The following CDH12 variants were observed in gnomAD, a reference collection of about 807,000 sequenced individuals.
The protein encoded by CDH12 is cadherin 12, also known as cadherin-12.
A neutral mutation model predicts 74.1 loss-of-function variants in CDH12; 41 were observed. That is an observed-to-expected ratio of 0.55 (90% CI 0.43 to 0.72). CDH12 has a LOEUF of 0.72. Among genes scored for constraint, CDH12 ranks in the 30% least tolerant of loss-of-function variants. The probability of loss-of-function intolerance (pLI) is 0.00; values close to 1 mark genes in which losing one functional copy is unlikely to be tolerated. For synonymous variants in CDH12, 399 were observed against 355.0 expected, an observed-to-expected ratio of 1.12 and a Z score of -1.39; for missense variants, 945 against 977.2, an observed-to-expected ratio of 0.97 and a Z score of 0.44.
At chr5:22,067,584 T>C (rs546972460) in intron 5 of CDH12, among the ~76,000 whole-genome samples, 1 of 152,090 alleles carries the variant, frequency 6.6e-6, no homozygotes, top group Admixed American at 6.6e-5. Flanking sequence ...GGCTATACGA[T>C]CCAGCAGGTC....
chr5:22,637,433 AC>A (rs1738899850), intron 1 of CDH12, among the ~76,000 whole-genome samples: 1 of 152,246 alleles, frequency 6.6e-6, no homozygotes, highest in Non-Finnish European at 1.5e-5. Context: ...GGTGATGATC[AC>A]TTTAAAGAAA....
rs184762709 is a variant in CDH12, at chr5:22,285,472, G to A, written c.-332-72829C>T. On this transcript the variant is annotated intron_variant, in intron 3 of 14. Transcript: ENST00000382254. ...ATTGATTGATTCAGCATTTAAAAAT[G>A]CTATGCTGAGCCTCATTTCCTTATG... Among the ~76,000 whole-genome samples, 238 of 152,166 alleles carry A rather than the reference G, an allele frequency of 1.6e-3. 4 individuals are homozygous for A. Among genetic ancestry groups the A allele is most frequent in the African/African-American group, 5.6e-3 (233 of 41,534 alleles).
At chr5:22,562,527 C>T (rs1253732150) in intron 1 of CDH12, among the ~76,000 whole-genome samples, 1 of 151,328 alleles carries the variant, frequency 6.6e-6, no homozygotes, top group African/African-American at 2.4e-5. Context: ...AAAGAAAAGC[C>T]CATATCAGAA....
chr5:22,837,168 C>A (rs566037080), intron 1 of CDH12, among the ~76,000 whole-genome samples: 21 of 152,204 alleles, frequency 1.4e-4, no homozygotes, highest in African/African-American at 5.1e-4. Flanking sequence ...CCTGTAATCC[C>A]AGCACTTTGG....
intron 8 of CDH12, among the ~76,000 whole-genome samples, chr5:21,840,311 T>C (rs1749766510): frequency 6.6e-6 from 1 of 152,142 alleles, no homozygotes; most frequent in Non-Finnish European, 1.5e-5. Flanking sequence ...ATTTTGAATA[T>C]GTTACTTTAA....
intron 1 of CDH12, among the ~76,000 whole-genome samples, chr5:22,683,013 C>G (rs1741576658): frequency 6.6e-6 from 1 of 151,948 alleles, no homozygotes; most frequent in African/African-American, 2.4e-5. Flanking sequence ...AGTTTTCAAA[C>G]TGTAATGAAT....
chr5:22,795,084 G>A (rs1219012824), intron 1 of CDH12, among the ~76,000 whole-genome samples: 1 of 152,022 alleles, frequency 6.6e-6, no homozygotes, highest in Non-Finnish European at 1.5e-5. Context: ...TATCACACCA[G>A]TTCAAACACC....
At chr5:22,035,185 C>T (rs116612074) in intron 5 of CDH12, among the ~76,000 whole-genome samples, 2 of 152,032 alleles carry the variant, frequency 1.3e-5, no homozygotes, top group African/African-American at 2.4e-5. Flanking sequence ...CTTCATTCAC[C>T]ATGAGTGTCT....
In CDH12 at chr5:21,819,429, C is replaced by T. The variant is rs146442499; in HGVS notation, c.815-2297G>A. On this transcript the variant is annotated intron_variant, in intron 8 of 14. Transcript: ENST00000382254. Reference sequence around the variant, plus strand: ...TTTCCTTTTTTTCTTCTAAAATGCCCGTTAAATGGAAATACGATTTATCAG... The same window carrying T: ...TTTCCTTTTTTTCTTCTAAAATGCCTGTTAAATGGAAATACGATTTATCAG... Among the ~76,000 whole-genome samples the T allele has an allele frequency of 4.2e-4, 64 of 151,930 alleles. 1 individual carries two copies. The East Asian group carries it at 0.011, about 26-fold the overall frequency.
At chr5:22,733,320 A>G (rs1253428359) in intron 1 of CDH12, among the ~76,000 whole-genome samples, 1 of 151,936 alleles carries the variant, frequency 6.6e-6, no homozygotes, top group Non-Finnish European at 1.5e-5. Flanking sequence ...TAGCTTACAT[A>G]CAGTTATAAT....
At chr5:21,959,741 C>T (rs1756262494) in intron 6 of CDH12, among the ~76,000 whole-genome samples, 1 of 129,232 alleles carries the variant, frequency 7.7e-6, no homozygotes, top group South Asian at 2.5e-4. Flanking sequence ...AACCCCATCT[C>T]TACTAAAATC....
chr5:21,984,011 C>T (rs1757416298), intron 5 of CDH12, among the ~76,000 whole-genome samples: 1 of 152,168 alleles, frequency 6.6e-6, no homozygotes, highest in African/African-American at 2.4e-5. Flanking sequence ...TAAATTATCT[C>T]TTCCTTCAGG....
intron 1 of CDH12, among the ~76,000 whole-genome samples, chr5:22,569,386 A>C (rs892446166): frequency 1.3e-5 from 2 of 152,184 alleles, no homozygotes; most frequent in African/African-American, 4.8e-5. Context: ...AATTTCTGCC[A>C]TGAGTAAAAA....
chr5:22,485,962 G>A (rs1746575110), intron 2 of CDH12, among the ~76,000 whole-genome samples: 1 of 152,168 alleles, frequency 6.6e-6, no homozygotes, highest in Non-Finnish European at 1.5e-5. Flanking sequence ...TCCAATAGTG[G>A]CATGTCTTCA....
At chr5:21,845,745 C>A (rs1750131744) in intron 7 of CDH12, among the ~76,000 whole-genome samples, 1 of 151,948 alleles carries the variant, frequency 6.6e-6, no homozygotes, top group Non-Finnish European at 1.5e-5. Flanking sequence ...CTTTTATTTT[C>A]TTTTCTAATT....
At chr5:22,692,955 A>G (rs1171394766) in intron 1 of CDH12, among the ~76,000 whole-genome samples, 4 of 152,020 alleles carry the variant, frequency 2.6e-5, no homozygotes, top group Non-Finnish European at 5.9e-5. Context: ...TTGAATTCAC[A>G]CCAAACACTA....
intron 1 of CDH12, among the ~76,000 whole-genome samples, chr5:22,798,321 C>A (rs1315026779): frequency 6.6e-6 from 1 of 152,054 alleles, no homozygotes; most frequent in Non-Finnish European, 1.5e-5. Flanking sequence ...TTAACAAAAA[C>A]TATAATAGTT....
At chr5:22,617,162 C>A (rs968894950) in intron 1 of CDH12, among the ~76,000 whole-genome samples, 2 of 151,948 alleles carry the variant, frequency 1.3e-5, no homozygotes, top group African/African-American at 2.4e-5. Flanking sequence ...AAATGAGCCA[C>A]CATGCCTGGC....
intron 3 of CDH12, among the ~76,000 whole-genome samples, chr5:22,363,715 G>T (rs1740915965): frequency 6.6e-6 from 1 of 152,126 alleles, no homozygotes; most frequent in Non-Finnish European, 1.5e-5. Flanking sequence ...GAATCTCATA[G>T]ATCCAAGGCA....
Sources: allele counts gnomAD v4.1 joint callset (sites outside exome capture counted in the v4.1 genomes callset), GRCh38; gene constraint gnomAD v4.1.1; transcripts MANE v1.5; gene names NCBI Gene and HGNC (gene_info 2026-07-23, HGNC 2026-07-21).